HSDL2: variants seen among roughly 807,000 people sequenced by gnomAD.
HSDL2 encodes hydroxysteroid dehydrogenase like 2, also known as hydroxysteroid dehydrogenase-like protein 2.
In HSDL2, 27 loss-of-function variants were observed where a neutral mutation model predicts 46.3. That is an observed-to-expected ratio of 0.58 (90% CI 0.43 to 0.80). The LOEUF is 0.80. HSDL2 is among the 30% of genes least tolerant of loss of function. The probability of loss-of-function intolerance (pLI) is 0.00; values close to 1 mark genes in which losing one functional copy is unlikely to be tolerated. For synonymous variants in HSDL2, 153 were observed against 163.6 expected, an observed-to-expected ratio of 0.94 and a Z score of 0.50; for missense variants, 451 against 502.7, an observed-to-expected ratio of 0.90 and a Z score of 0.98.
At chr9:112,459,735 C>T (rs924762055) in intron 10 of HSDL2, among the ~76,000 whole-genome samples, 158 bp downstream of exon 10, 1 of 152,232 alleles carries the variant, frequency 6.6e-6, no homozygotes, top group East Asian at 1.9e-4. Context: ...TCCATTGCCA[C>T]TTCTCCCTCC....
At chr9:112,398,682 G>A (rs1831517914) in intron 1 of HSDL2, among the ~76,000 whole-genome samples, 1 of 152,040 alleles carries the variant, frequency 6.6e-6, no homozygotes, top group African/African-American at 2.4e-5. Flanking sequence ...TTTTAGGACA[G>A]CACTTACCAA....
intron 1 of HSDL2, among the ~76,000 whole-genome samples, chr9:112,382,499 C>G (rs1007154802): frequency 7.2e-5 from 11 of 152,104 alleles, no homozygotes; most frequent in Non-Finnish European, 1.3e-4. Flanking sequence ...GTATTTAAAC[C>G]AGGGACAATT....
intron 10 of HSDL2, among the ~76,000 whole-genome samples, chr9:112,465,698 T>C (rs529993977): frequency 4.6e-5 from 7 of 152,376 alleles, no homozygotes; most frequent in Non-Finnish European, 7.3e-5. Flanking sequence ...CATAATGTTT[T>C]TGAGGTTCAT....
chr9:112,402,428 T>C (rs1831623923), intron 1 of HSDL2, among the ~76,000 whole-genome samples: 1 of 151,938 alleles, frequency 6.6e-6, no homozygotes, highest in South Asian at 2.1e-4. Flanking sequence ...TATGGTGGTG[T>C]GTGCCTGTAG....
In HSDL2 at chr9:112,418,915, A is replaced by C. The variant is rs1832057771; in HGVS notation, c.555A>C (p.Glu185Asp). ...TGTATGTGCTTGGAATGGCAGAAGA[A>C]TTTAAAGGTGAAATTGCAGTCAATG... ...MSMYVLGMAE[E>D]FKGEIAVNAL... Residue 185 changes from glutamate (E) to aspartate (D), a missense_variant, in exon 6 of 11, where the codon GAA (glutamate) becomes GAC (aspartate). Glu to Asp is a conservative substitution (Grantham distance 45, BLOSUM62 2). Transcript: ENST00000398805. 1 of 1,606,572 alleles carries C rather than the reference A, an allele frequency of 6.2e-7. No individual in the cohort carries two copies. Among genetic ancestry groups the C allele is most frequent in the African/African-American group, 1.3e-5 (1 of 74,812 alleles).
chr9:112,413,305 C>T (rs1587940463), intron 4 of HSDL2, among the ~76,000 whole-genome samples: 1 of 151,346 alleles, frequency 6.6e-6, no homozygotes, highest in East Asian at 1.9e-4. Flanking sequence ...ATGGAGAAAC[C>T]CCGTCTCTAC....
At chr9:112,465,736 A>G (rs1451994398) in intron 10 of HSDL2, among the ~76,000 whole-genome samples, 1 of 152,184 alleles carries the variant, frequency 6.6e-6, no homozygotes, top group Non-Finnish European at 1.5e-5. Flanking sequence ...TCAGCACCTC[A>G]TTTCTTTTTC....
At chr9:112,427,866 G>A (rs560459042) in intron 6 of HSDL2, among the ~76,000 whole-genome samples, 21 of 152,198 alleles carry the variant, frequency 1.4e-4, no homozygotes, top group Non-Finnish European at 2.8e-4. Flanking sequence ...CAGTTATCAC[G>A]CAGCAGACAT....
intron 9 of HSDL2, among the ~76,000 whole-genome samples, chr9:112,456,565 G>T (rs1415317373): frequency 6.6e-6 from 1 of 151,964 alleles, no homozygotes; most frequent in Non-Finnish European, 1.5e-5. Flanking sequence ...TGTTCTTCAG[G>T]TCACTGGCTC....
At chr9:112,454,293 G>A (rs1189407214) in intron 9 of HSDL2, 131 bp downstream of exon 9, 3 of 658,270 alleles carry the variant, frequency 4.6e-6, no homozygotes, top group Non-Finnish European at 7.7e-6. Flanking sequence ...CTTGAATGTA[G>A]ACATTCAAGA....
rs1384497758 is a variant in HSDL2 at position 112,436,587 on chromosome 9, T to C, written c.599-1844T>C. Among the ~76,000 whole-genome samples the C allele has an allele frequency of 2.6e-5, 4 of 152,262 alleles. No homozygotes were observed. In the South Asian group the frequency reaches 8.3e-4, roughly 32 times the overall value. On this transcript the variant is annotated intron_variant, in intron 6 of 10. Coordinates refer to ENST00000398805, the MANE Select transcript of HSDL2 (RefSeq NM_032303.5). ...GTATGTAATAATTTAAAATTGTATT[T>C]TAACAATATATGGAAATAAGCTTTA... is the stretch of plus-strand genomic sequence containing the variant.
rs1832057496 is a variant in HSDL2, at chr9:112,418,908, C to A, written c.548C>A (p.Ala183Glu). 2 of 1,606,042 alleles carry A rather than the reference C, an allele frequency of 1.2e-6. No homozygotes were observed. Among genetic ancestry groups the A allele is most frequent in the Non-Finnish European group, 8.5e-7 (1 of 1,174,706 alleles). Residue 183 changes from alanine to glutamate, a missense_variant, in exon 6 of 11, where the codon GCA (alanine) becomes GAA (glutamate). Physicochemically the swap from Ala to Glu is moderately radical, Grantham distance 107. Transcript: ENST00000398805. ...YGMSMYVLGMAEEFKGEIAVN... is the reference protein window; with the variant it reads ...YGMSMYVLGMEEEFKGEIAVN... ...ATGTCTATGTATGTGCTTGGAATGGCAGAAGAATTTAAAGGTGAAATTGCA... is the reference window on the plus strand; with the variant it reads ...ATGTCTATGTATGTGCTTGGAATGGAAGAAGAATTTAAAGGTGAAATTGCA...
chr9:112,440,079 T>C (rs1217222404), intron 7 of HSDL2, among the ~76,000 whole-genome samples: 4 of 152,188 alleles, frequency 2.6e-5, no homozygotes, highest in Admixed American at 1.3e-4. Flanking sequence ...AGATGGCTAA[T>C]AGGTGGCAGA....
intron 3 of HSDL2, among the ~76,000 whole-genome samples, chr9:112,405,982 G>A (rs1177424012): frequency 1.3e-5 from 2 of 151,986 alleles, no homozygotes; most frequent in South Asian, 2.1e-4. Flanking sequence ...CCAACATGGT[G>A]AAACCCCGTC....
intron 6 of HSDL2, among the ~76,000 whole-genome samples, chr9:112,435,253 A>G (rs1336911049): frequency 6.6e-6 from 1 of 152,108 alleles, no homozygotes; most frequent in African/African-American, 2.4e-5. Flanking sequence ...CAGCATGTAT[A>G]TACTTATACA....
At chr9:112,392,476 A>G (rs1831367416) in intron 1 of HSDL2, among the ~76,000 whole-genome samples, 1 of 152,314 alleles carries the variant, frequency 6.6e-6, no homozygotes, top group South Asian at 2.1e-4. Context: ...TCTCAACTGC[A>G]TAAGACAGAC....
intron 1 of HSDL2, among the ~76,000 whole-genome samples, chr9:112,391,630 G>A (rs896748666): frequency 6.6e-6 from 1 of 152,054 alleles, no homozygotes; most frequent in African/African-American, 2.4e-5. Flanking sequence ...AACCAGCCAG[G>A]CTTGGTGGCT....
chr9:112,449,753 T>A (rs1169003504), intron 8 of HSDL2, among the ~76,000 whole-genome samples: 1 of 151,654 alleles, frequency 6.6e-6, no homozygotes, highest in African/African-American at 2.4e-5. Context: ...TAATCCCAGC[T>A]GCCCAGGAGG....
chr9:112,438,699 G>T (rs1360721539), intron 7 of HSDL2, 74 bp downstream of exon 7: 3 of 819,070 alleles, frequency 3.7e-6, no homozygotes, highest in Non-Finnish European at 5.6e-6. Context: ...TCTGTTTTTT[G>T]TGTGTGTTTG....
Sources: allele counts gnomAD v4.1 joint callset (sites outside exome capture counted in the v4.1 genomes callset), GRCh38; gene constraint gnomAD v4.1.1; transcripts MANE v1.5; gene names NCBI Gene and HGNC (gene_info 2026-07-23, HGNC 2026-07-21).